The following SYAP1 variants were observed in gnomAD, a reference collection of about 807,000 sequenced individuals.
SYAP1 encodes synapse-associated protein 1.
In SYAP1, 3 loss-of-function variants were observed where a neutral mutation model predicts 29.6. That is an observed-to-expected ratio of 0.10 (90% CI 0.05 to 0.26). SYAP1 has a LOEUF of 0.26. SYAP1 is among the 10% of genes least tolerant of loss of function. The pLI, the probability that SYAP1 is intolerant of heterozygous loss-of-function variation, is 1.00. For missense variants in SYAP1, 217 were observed against 264.1 expected (o/e 0.82, Z 1.24); for synonymous variants, 102 against 102.7 (o/e 0.99, Z 0.04).
chrX:16,735,460 A>G, intron 2 of SYAP1, 115 bp downstream of exon 2: 1 of 493,112 alleles, frequency 2.0e-6, no homozygotes, highest in African/African-American at 2.5e-5. Flanking sequence ...ATTCTGATAA[A>G]AATGTTAATT....
intron 1 of SYAP1, among the ~76,000 whole-genome samples, chrX:16,734,494 A>T (rs1926279565): frequency 9.1e-6 from 1 of 110,477 alleles, no homozygotes; most frequent in Non-Finnish European, 1.9e-5. Context: ...TTGAGAAAGG[A>T]GGGGCATTTT....
chrX:16,757,536 C>T (rs1011938853), intron 8 of SYAP1, among the ~76,000 whole-genome samples: 297 of 109,308 alleles, frequency 2.7e-3, no homozygotes, highest in Admixed American at 6.8e-3. Context: ...CTGGCTAACA[C>T]GGTGAAACCC....
intron 5 of SYAP1, among the ~76,000 whole-genome samples, chrX:16,744,783 A>G (rs774883620): frequency 3.6e-5 from 4 of 110,110 alleles, no homozygotes; most frequent in African/African-American, 1.3e-4. Flanking sequence ...TGGGCAACAT[A>G]GCAAGACCAC....
chrX:16,739,091 C>A (rs927889764), intron 3 of SYAP1, among the ~76,000 whole-genome samples: 9 of 111,317 alleles, frequency 8.1e-5, no homozygotes, highest in African/African-American at 2.9e-4. Context: ...GAGAGACTAC[C>A]CAAGGTGAAG....
Position 16,721,996 on chromosome X carries a change from G to A in SYAP1, c.175+2097G>A, listed in dbSNP as rs760302940. ...CACACATTGTGAATTTAAAGCTTCAGAATAAATGAGAATTCTTTCTTTTCT... is the reference window on the plus strand; with the variant it reads ...CACACATTGTGAATTTAAAGCTTCAAAATAAATGAGAATTCTTTCTTTTCT... On this transcript the variant is annotated intron_variant, in intron 1 of 8. Transcript: ENST00000380155. 6.2e-5 allele frequency among the ~76,000 whole-genome samples: 7 copies of A among 112,243 alleles called. No homozygotes were observed. In the East Asian group the frequency reaches 1.4e-3, roughly 22 times the overall value.
chrX:16,719,819 A>G lies in SYAP1; in HGVS notation c.95A>G (p.Glu32Gly), dbSNP rs925298441. Residue 32 changes from glutamate to glycine, a missense_variant, in exon 1 of 9, where the codon GAG (glutamate) becomes GGG (glycine). Physicochemically the swap from Glu to Gly is moderately conservative, Grantham distance 98 (BLOSUM62 -2). Coordinates refer to ENST00000380155, the MANE Select transcript of SYAP1 (RefSeq NM_032796.4). ...NGDAPPEQPSETVAESAEEEL... is the reference protein window; with the variant it reads ...NGDAPPEQPSGTVAESAEEEL... ...GATGCTCCACCCGAGCAGCCGTCCGAGACGGTGGCTGAGTCTGCGGAGGAG... is the reference window on the plus strand; with the variant it reads ...GATGCTCCACCCGAGCAGCCGTCCGGGACGGTGGCTGAGTCTGCGGAGGAG... The G allele has an allele frequency of 5.0e-6, 6 of 1,197,689 alleles. No homozygotes were observed. In the African/African-American group the frequency reaches 1.1e-4, roughly 21 times the overall value.
At chrX:16,724,060 G>T (rs1296076211) in intron 1 of SYAP1, among the ~76,000 whole-genome samples, 10 of 112,448 alleles carry the variant, frequency 8.9e-5, no homozygotes, top group African/African-American at 3.2e-4. Flanking sequence ...CAGGTTTGAT[G>T]ATTGGCTAGG....
At chrX:16,749,212 T>C (rs900266988) in intron 5 of SYAP1, among the ~76,000 whole-genome samples, 9 of 110,649 alleles carry the variant, frequency 8.1e-5, no homozygotes. Context: ...CATGCCACCA[T>C]ACCCAGCTAA....
intron 5 of SYAP1, among the ~76,000 whole-genome samples, chrX:16,749,641 C>T (rs762685514): frequency 2.2e-4 from 24 of 110,996 alleles, no homozygotes; most frequent in South Asian, 3.8e-4. Context: ...TCAGGCCAGG[C>T]GCGGTGGCTC....
chrX:16,757,966 C>T (rs1185662337), intron 8 of SYAP1, among the ~76,000 whole-genome samples: 1 of 110,838 alleles, frequency 9.0e-6, no homozygotes, highest in Non-Finnish European at 1.9e-5. Flanking sequence ...TGACTGTAGA[C>T]ATGTACATGG....
chrX:16,742,868 C>T (rs1926500001), intron 4 of SYAP1, among the ~76,000 whole-genome samples: 1 of 108,321 alleles, frequency 9.2e-6, no homozygotes, highest in African/African-American at 3.4e-5. Context: ...TCTTGCCCAA[C>T]TTCCCAAAGT....
intron 5 of SYAP1, among the ~76,000 whole-genome samples, chrX:16,753,220 G>T (rs1221221822): frequency 1.1e-4 from 12 of 104,918 alleles, no homozygotes; most frequent in East Asian, 3.0e-4. Context: ...CTCCAACCTG[G>T]GTGACAAAAG....
intron 1 of SYAP1, among the ~76,000 whole-genome samples, chrX:16,720,128 G>A (rs767573827): frequency 8.9e-6 from 1 of 112,037 alleles, no homozygotes; most frequent in Non-Finnish European, 1.9e-5. Flanking sequence ...AGTTCCTGGT[G>A]ACAAGTCTAC....
At chrX:16,722,791 A>T (rs964615371) in intron 1 of SYAP1, among the ~76,000 whole-genome samples, 1 of 111,891 alleles carries the variant, frequency 8.9e-6, no homozygotes, top group African/African-American at 3.2e-5. Context: ...AAAGGAAGGA[A>T]CAATTTATAG....
Position 16,757,329 on chromosome X carries a change from A to G in SYAP1, c.931+20A>G. The G allele has an allele frequency of 8.4e-7, 1 of 1,187,404 alleles. No homozygotes were observed. The highest frequency in any genetic ancestry group is 1.9e-5 in the South Asian group (1 of 53,635). ...TGGAAGGTAAAAAACAAAACAAATC[A>G]AAGCAAAGAAACTATTCGTCTCCCT... On this transcript the variant is annotated intron_variant, in intron 8 of 8. Transcript: ENST00000380155.
At position 16,719,776 on chromosome X, in the gene SYAP1, G is replaced by A. The variant is rs1324604942; in HGVS notation, c.52G>A (p.Gly18Ser). 2.5e-6 allele frequency: 3 copies of A among 1,203,426 alleles called. No homozygotes were observed. The highest frequency in any genetic ancestry group is 2.2e-5 in the Admixed American group (1 of 45,196). Reference sequence around the variant, plus strand: ...GGGCTTGCAGCAGCCGGTGGCAGGCGGTGGGCAGCCCAATGGAGATGCTCC... The same window carrying A: ...GGGCTTGCAGCAGCCGGTGGCAGGCAGTGGGCAGCCCAATGGAGATGCTCC... Reference protein sequence around the residue: ...WLGLQQPVAGGGQPNGDAPPE... With the variant: ...WLGLQQPVAGSGQPNGDAPPE... Residue 18 changes from glycine to serine, a missense_variant, in exon 1 of 9, where the codon GGT becomes AGT. Physicochemically the swap from Gly to Ser is moderately conservative, Grantham distance 56. Coordinates refer to ENST00000380155, the MANE Select transcript of SYAP1 (RefSeq NM_032796.4).
intron 1 of SYAP1, among the ~76,000 whole-genome samples, chrX:16,722,523 A>G (rs2147413781): frequency 9.5e-6 from 1 of 105,798 alleles, no homozygotes; most frequent in Admixed American, 1.0e-4. Context: ...GTGAGACTGC[A>G]TCTCACAAAA....
At chrX:16,735,127 A>G (rs945781988) in intron 1 of SYAP1, 100 bp from the exon 2 acceptor site, 16 of 478,792 alleles carry the variant, frequency 3.3e-5, no homozygotes, top group Non-Finnish European at 5.4e-5. Context: ...TCAGGTCCTT[A>G]TGAACAAGGA....
chrX:16,746,835 G>A (rs1287189027), intron 5 of SYAP1, among the ~76,000 whole-genome samples: 1 of 112,312 alleles, frequency 8.9e-6, no homozygotes, highest in Non-Finnish European at 1.9e-5. Flanking sequence ...TGATCTGTCC[G>A]CCTTGGCCTC....
Sources: gnomAD v4.1 joint callset for allele counts (sites outside exome capture counted in the v4.1 genomes callset) on GRCh38, gnomAD v4.1.1 for gene constraint, MANE v1.5 for transcripts, NCBI Gene and HGNC (gene_info 2026-07-23, HGNC 2026-07-21) for gene names.